ZEB2: variants seen among roughly 807,000 people sequenced by gnomAD.
ZEB2 encodes the protein zinc finger E-box-binding homeobox 2.
ZEB2 carries 6 observed loss-of-function variants against 99.9 expected under a neutral mutation model. The observed-to-expected ratio is 0.06, with a 90% CI of 0.03 to 0.12. The LOEUF (loss-of-function observed/expected upper bound fraction) is 0.12. Ranked by LOEUF, ZEB2 falls within the 10% of genes least tolerant of loss-of-function variation. The pLI is 1.00. For synonymous variants in ZEB2, 517 were observed against 542.5 expected (o/e 0.95, Z 0.65); for missense variants, 969 against 1,502.8 (o/e 0.64, Z 5.87).
At chr2:144,465,143 CT>C (rs1704254351) in intron 2 of ZEB2, among the ~76,000 whole-genome samples, 2 of 152,164 alleles carry the variant, frequency 1.3e-5, no homozygotes, top group South Asian at 4.1e-4. Flanking sequence ...TCAGAAAACC[CT>C]TTCCTGGATT....
Position 144,399,878 on chromosome 2 carries a change from G to T in ZEB2, c.1309C>A (p.Gln437Lys), listed in dbSNP as rs760437173. Residue 437 changes from glutamine to lysine, a missense_variant, in exon 8 of 10, where the codon CAG becomes AAG. Physicochemically the swap from Gln to Lys is moderately conservative, Grantham distance 53 (BLOSUM62 1). Around this residue, in one of 8 missense-constraint regions of ZEB2, gnomAD observed 227 missense variants for 278.2 expected, o/e 0.82. Coordinates refer to ENST00000627532, the MANE Select transcript of ZEB2 (RefSeq NM_014795.4). The surrounding 1 kb of genome is among the most constrained non-coding windows in gnomAD (Gnocchi z 5.6). ...GCTTCCATCCCTACACCTAAGTGCT[G>T]CATTGGACTCTGAGCAGATGGATGA... ...GVHPSAQSPM[Q>K]HLGVGMEAPL... 3 of 1,614,054 alleles carry T rather than the reference G, an allele frequency of 1.9e-6. No homozygotes were observed. Among genetic ancestry groups the T allele is most frequent in the Non-Finnish European group, 1.7e-6 (2 of 1,180,042 alleles).
chr2:144,448,173 G>A (rs1413370950), intron 2 of ZEB2, among the ~76,000 whole-genome samples: 1 of 152,190 alleles, frequency 6.6e-6, no homozygotes, highest in African/African-American at 2.4e-5. Flanking sequence ...ATCCTATTGT[G>A]ACTTACAGTG....
intron 2 of ZEB2, among the ~76,000 whole-genome samples, chr2:144,515,771 A>G (rs1705124409): frequency 7.0e-6 from 1 of 142,444 alleles, no homozygotes; most frequent in Non-Finnish European, 1.5e-5. Context: ...ACACACGCAC[A>G]CACACGCGTA....
At chr2:144,482,810 TCAC>T (rs1704533163) in intron 2 of ZEB2, among the ~76,000 whole-genome samples, 2 of 151,976 alleles carry the variant, frequency 1.3e-5, no homozygotes, top group African/African-American at 4.8e-5. Context: ...GACTCTTCCC[TCAC>T]CACCTTATTT....
At chr2:144,512,378 C>G in intron 2 of ZEB2, 5 of 1,287,226 alleles carry the variant, frequency 3.9e-6, no homozygotes, top group Non-Finnish European at 5.1e-6. Flanking sequence ...CTGCTAGAGG[C>G]TAGCAACGCC....
intron 6 of ZEB2, among the ~76,000 whole-genome samples, chr2:144,402,754 T>A (rs2149878680): frequency 6.6e-6 from 1 of 152,242 alleles, no homozygotes; most frequent in South Asian, 2.1e-4. Context: ...CAAGGGGAGA[T>A]AAACTGTTAC....
At chr2:144,447,626 C>A (rs550235127) in intron 2 of ZEB2, among the ~76,000 whole-genome samples, 1 of 152,316 alleles carries the variant, frequency 6.6e-6, no homozygotes, top group Admixed American at 6.5e-5. Context: ...AAAAACTGTA[C>A]CATGGTACTG....
At position 144,401,543 on chromosome 2, in the gene ZEB2, C is replaced by T. The variant is rs189645570; in HGVS notation, c.808-236G>A. Among the ~76,000 whole-genome samples the T allele has an allele frequency of 1.5e-3, 235 of 152,318 alleles. 3 individuals are homozygous for T. Among genetic ancestry groups the T allele is most frequent in the Admixed American group, 0.015 (235 of 15,298 alleles). On this transcript the variant is annotated intron_variant, in intron 6 of 9. Transcript: ENST00000627532. ...TCCAACACTTGCTTTAGAATTATTT[C>T]TGTAGTGTCTTTTCCAAAATGTTTC... is the stretch of plus-strand genomic sequence containing the variant.
At chr2:144,398,266 T>A in intron 8 of ZEB2, 35 bp downstream of exon 8, 1 of 1,611,294 alleles carries the variant, frequency 6.2e-7, no homozygotes, top group Admixed American at 1.7e-5. Context: ...TTGCCACCTC[T>A]TTTCTTCATA....
chr2:144,386,770 T>C lies in ZEB2; in HGVS notation c.*2681A>G, dbSNP rs1330091924. ...AGGTTGAATTAATAAAGTTATCGCC[T>C]AGAGCCTTTCAAACCAGAAAAATTT... On this transcript the variant is annotated 3_prime_UTR_variant, in exon 10 of 10. Coordinates refer to ENST00000627532, the MANE Select transcript of ZEB2 (RefSeq NM_014795.4). The C allele has an allele frequency of 2.6e-5, 4 of 152,096 alleles. No individual in the cohort carries two copies. Among genetic ancestry groups the C allele is most frequent in the African/African-American group, 9.7e-5 (4 of 41,410 alleles). 9.4% of individuals were successfully genotyped at this position (152,096 alleles called of 1,614,324 possible). A position where few individuals can be genotyped will look rare whatever the true frequency, so the allele number is the denominator to read the frequency against.
intron 4 of ZEB2, among the ~76,000 whole-genome samples, chr2:144,413,231 A>T (rs1238195223): frequency 6.6e-6 from 1 of 152,214 alleles, no homozygotes. Flanking sequence ...ATTAAGAGAA[A>T]ATATTTTGGA....
chr2:144,394,007 C>T (rs575112987), intron 9 of ZEB2, among the ~76,000 whole-genome samples: 9 of 152,224 alleles, frequency 5.9e-5, no homozygotes, highest in South Asian at 4.1e-4. Context: ...CTGCAACCTC[C>T]GCCTCCCGGG....
intron 2 of ZEB2, among the ~76,000 whole-genome samples, chr2:144,451,649 G>C (rs1573762136): frequency 6.6e-6 from 1 of 152,310 alleles, no homozygotes; most frequent in East Asian, 1.9e-4. Context: ...TGGGAAGCTA[G>C]CAATACTCTT....
At chr2:144,430,083 C>A in intron 2 of ZEB2, 57 bp from the exon 3 acceptor site, 2 of 1,602,856 alleles carry the variant, frequency 1.2e-6, no homozygotes, top group Non-Finnish European at 1.7e-6. Context: ...ACATCAGCCA[C>A]CCCTAATTGT....
At chr2:144,501,871 G>C (rs570598092) in intron 2 of ZEB2, among the ~76,000 whole-genome samples, 2 of 152,208 alleles carry the variant, frequency 1.3e-5, no homozygotes, top group Non-Finnish European at 2.9e-5. Flanking sequence ...AGGCCACAGA[G>C]TGTCTTGCAA....
Position 144,390,133 on chromosome 2 carries a change from A to C in ZEB2, c.3068-105T>G, listed in dbSNP as rs1560602361. 6.7e-6 allele frequency: 8 copies of C among 1,188,722 alleles called. 1 individual carries two copies. Among genetic ancestry groups the C allele is most frequent in the Non-Finnish European group, 9.7e-6 (8 of 824,546 alleles). 73.6% of individuals were successfully genotyped at this position (1,188,722 alleles called of 1,614,324 possible). On this transcript the variant is annotated intron_variant, in intron 9 of 9. Transcript: ENST00000627532. ...GACTCAGGCATAAGCGTGTGTACTT[A>C]TGCCTGAAAGATCAACACACCCCGG... is the stretch of plus-strand genomic sequence containing the variant.
chr2:144,398,394 G>C lies in ZEB2; in HGVS notation c.2793C>G (p.Phe931Leu). Residue 931 changes from phenylalanine (F) to leucine (L), a missense_variant, in exon 8 of 10, where the codon TTC becomes TTG. By Grantham distance (22) the Phe-to-Leu change is conservative. Transcript: ENST00000627532. ...RPYPGLDQMS[F>L]LPHMAYTYPT... ...GGTAGGTGTAGGCCATATGTGGTAGGAAGCTCATCTGATCCAGTCCTGGGT... is the reference window on the plus strand; with the variant it reads ...GGTAGGTGTAGGCCATATGTGGTAGCAAGCTCATCTGATCCAGTCCTGGGT... The C allele has an allele frequency of 6.2e-7, 1 of 1,614,094 alleles. No individual in the cohort carries two copies. Among genetic ancestry groups the C allele is most frequent in the African/African-American group, 1.3e-5 (1 of 75,044 alleles).
intron 2 of ZEB2, among the ~76,000 whole-genome samples, chr2:144,498,941 C>T (rs4556923): frequency 0.19 from 28,874 of 152,034 alleles, 3,211 homozygotes; most frequent in East Asian, 0.37. Flanking sequence ...GATGACACTC[C>T]CAGAGATACA....
chr2:144,471,773 T>A (rs2149909483), intron 2 of ZEB2, among the ~76,000 whole-genome samples: 1 of 151,284 alleles, frequency 6.6e-6, no homozygotes, highest in South Asian at 2.1e-4. Context: ...TGGTCAACAT[T>A]CCCTTGAAAT....
Sources: gnomAD v4.1 joint callset for allele counts (sites outside exome capture counted in the v4.1 genomes callset) on GRCh38, gnomAD v4.1.1 for gene constraint, gnomAD v4.1.1 regional missense constraint, Gnocchi (gnomAD v3.1) non-coding constraint, MANE v1.5 for transcripts, NCBI Gene and HGNC (gene_info 2026-07-23, HGNC 2026-07-21) for gene names.